Variants in GREM2 observed in about 807,000 individuals in gnomAD.
GREM2 encodes gremlin 2, DAN family BMP antagonist.
Under a neutral mutation model 14.2 loss-of-function variants are expected in GREM2, and 11 were observed. That is an observed-to-expected ratio of 0.78 (90% CI 0.49 to 1.28). GREM2 has a LOEUF of 1.28. GREM2 is among the 50% of genes most tolerant of loss of function. The probability of loss-of-function intolerance (pLI) is 0.00; values close to 1 mark genes in which losing one functional copy is unlikely to be tolerated. For missense variants in GREM2, 210 were observed against 218.5 expected, an observed-to-expected ratio of 0.96 and a Z score of 0.24; for synonymous variants, 98 against 97.6, an observed-to-expected ratio of 1.00 and a Z score of -0.02.
At chr1:240,592,488 T>C (rs564880482) in intron 1 of GREM2, among the ~76,000 whole-genome samples, 1 of 152,322 alleles carries the variant, frequency 6.6e-6, no homozygotes, top group East Asian at 1.9e-4. Context: ...TACTCCAACA[T>C]TTGATATCCT....
Position 240,543,539 on chromosome 1 carries a change from G to A in GREM2, c.-1-50063C>T, listed in dbSNP as rs1303667797. On this transcript the variant is annotated intron_variant, in intron 1 of 1. Transcript: ENST00000318160. The surrounding 1 kb of genome is among the most constrained non-coding windows in gnomAD (Gnocchi z 6.4). ...GATTCAATTATTTCCACCTGGCCTT[G>A]CCCATGAAACATGGGGATTATTACA... Among the ~76,000 whole-genome samples the A allele has an allele frequency of 6.6e-6, 1 of 152,158 alleles. No homozygotes were observed. The highest frequency in any genetic ancestry group is 1.5e-5 in the Non-Finnish European group (1 of 68,030).
intron 1 of GREM2, among the ~76,000 whole-genome samples, chr1:240,577,329 G>A (rs1021549110): frequency 7.0e-5 from 9 of 129,440 alleles, no homozygotes; most frequent in African/African-American, 2.3e-4. Context: ...TGTCATACAA[G>A]GAAAAAAAAA....
intron 1 of GREM2, among the ~76,000 whole-genome samples, chr1:240,609,995 T>G (rs183313037): frequency 1.2e-4 from 18 of 152,228 alleles, no homozygotes; most frequent in Non-Finnish European, 2.4e-4. Flanking sequence ...AAACAATGAA[T>G]AATCACAGCA....
intron 1 of GREM2, among the ~76,000 whole-genome samples, chr1:240,606,774 G>A (rs866698729): frequency 6.6e-6 from 1 of 151,612 alleles, no homozygotes; most frequent in South Asian, 2.1e-4. Context: ...CACCTCCCAG[G>A]TTCAAGCCAT....
At chr1:240,552,473 C>T (rs1678871405) in intron 1 of GREM2, among the ~76,000 whole-genome samples, 1 of 152,080 alleles carries the variant, frequency 6.6e-6, no homozygotes, top group South Asian at 2.1e-4. Flanking sequence ...GTATATGCTA[C>T]AGTCCTAGCT....
chr1:240,492,868 C>G lies in GREM2; in HGVS notation c.*101G>C, dbSNP rs1253930693. On this transcript the variant is annotated 3_prime_UTR_variant, in exon 2 of 2. Transcript: ENST00000318160. ...AGTGCTTGCTGCTGAGGGGGAACACCAGGCAGCGTGACAGTGGGCTCGGAG... is the reference window on the plus strand; with the variant it reads ...AGTGCTTGCTGCTGAGGGGGAACACGAGGCAGCGTGACAGTGGGCTCGGAG... 1.2e-5 allele frequency: 14 copies of G among 1,171,026 alleles called. No individual in the cohort carries two copies. The highest frequency in any genetic ancestry group is 1.5e-5 in the Non-Finnish European group (14 of 911,922). 72.5% of individuals were successfully genotyped at this position (1,171,026 alleles called of 1,614,324 possible). A position where few individuals can be genotyped will look rare whatever the true frequency, so the allele number is the denominator to read the frequency against.
intron 1 of GREM2, among the ~76,000 whole-genome samples, chr1:240,603,598 T>C (rs138480691): frequency 6.5e-4 from 99 of 151,682 alleles, no homozygotes; most frequent in Non-Finnish European, 1.3e-3. Flanking sequence ...GTTAGAAAGG[T>C]TGACATCAAA....
chr1:240,602,505 T>A (rs1028698291), intron 1 of GREM2, among the ~76,000 whole-genome samples: 3 of 152,234 alleles, frequency 2.0e-5, no homozygotes, highest in South Asian at 4.2e-4. Flanking sequence ...TATAATTCCT[T>A]AAAGAGCTCA....
intron 1 of GREM2, among the ~76,000 whole-genome samples, chr1:240,495,674 A>G (rs1318380441): frequency 6.6e-6 from 1 of 152,230 alleles, no homozygotes; most frequent in Non-Finnish European, 1.5e-5. Context: ...AAATATTTGA[A>G]TCCAGGCATC....
Position 240,560,869 on chromosome 1 carries a change from C to A in GREM2, c.-2+51015G>T, listed in dbSNP as rs139128120. Among the ~76,000 whole-genome samples the A allele has an allele frequency of 2.6e-3, 393 of 152,242 alleles. 3 individuals are homozygous for A. Among genetic ancestry groups the A allele is most frequent in the African/African-American group, 9.0e-3 (374 of 41,536 alleles). The stretch of plus-strand genomic sequence containing the variant: ...ATAAATATCTGGTGATCCACTCTGC[C>A]CACAAGTCACATACTTTCACTATTT... On this transcript the variant is annotated intron_variant, in intron 1 of 1. Transcript: ENST00000318160.
intron 1 of GREM2, among the ~76,000 whole-genome samples, chr1:240,587,262 G>T (rs1161797934): frequency 1.3e-5 from 2 of 151,684 alleles, no homozygotes; most frequent in African/African-American, 2.4e-5. Flanking sequence ...ATATAGACAT[G>T]CTTTTAAAAA....
At chr1:240,521,098 A>T (rs1278069061) in intron 1 of GREM2, among the ~76,000 whole-genome samples, 1 of 152,092 alleles carries the variant, frequency 6.6e-6, no homozygotes, top group Non-Finnish European at 1.5e-5. Flanking sequence ...GATGCCATTA[A>T]ATTCCATCTG....
In GREM2 at chr1:240,492,461, G is replaced by A. The variant is rs983609657; in HGVS notation, c.*508C>T. ...ATATCCTCATCACAGCAGCGACCGA[G>A]GGCAGCCTGCCAGTCACAAGAATGA... On this transcript the variant is annotated 3_prime_UTR_variant, in exon 2 of 2. Transcript: ENST00000318160. The A allele has an allele frequency of 8.2e-5, 16 of 194,264 alleles. No individual in the cohort carries two copies. The highest frequency in any genetic ancestry group is 1.2e-4 in the Non-Finnish European group (11 of 89,738). 12.0% of individuals were successfully genotyped at this position (194,264 alleles called of 1,614,324 possible). A position where few individuals can be genotyped will look rare whatever the true frequency, so the allele number is the denominator to read the frequency against.
At chr1:240,529,195 C>T (rs1176115370) in intron 1 of GREM2, among the ~76,000 whole-genome samples, 1 of 148,606 alleles carries the variant, frequency 6.7e-6, no homozygotes, top group Non-Finnish European at 1.5e-5. Context: ...CATTAAAATC[C>T]ATCTTGTGCC....
intron 1 of GREM2, among the ~76,000 whole-genome samples, chr1:240,533,429 A>G (rs946363203): frequency 6.6e-6 from 1 of 152,206 alleles, no homozygotes; most frequent in African/African-American, 2.4e-5. Flanking sequence ...GGAAAACTCT[A>G]CAGTTGAGAA....
At chr1:240,532,687 A>AGATAGATG (rs55736477) in intron 1 of GREM2, among the ~76,000 whole-genome samples, 3 of 78,166 alleles carry the variant, frequency 3.8e-5, no homozygotes, top group East Asian at 5.0e-4. Context: ...ATAGATAGAT[A>AGATAGATG]TATGGCAAGA....
At chr1:240,505,146 T>C (rs766602259) in intron 1 of GREM2, among the ~76,000 whole-genome samples, 1 of 152,138 alleles carries the variant, frequency 6.6e-6, no homozygotes, top group Non-Finnish European at 1.5e-5. Context: ...GCTCTGGCCA[T>C]GTGAGAAGTG....
At chr1:240,516,798 G>C (rs964879777) in intron 1 of GREM2, among the ~76,000 whole-genome samples, 10 of 152,174 alleles carry the variant, frequency 6.6e-5, no homozygotes, top group African/African-American at 2.4e-4. Context: ...TTCTGAGCCA[G>C]AATTGTGGGT....
chr1:240,554,508 G>C (rs1341938411), intron 1 of GREM2, among the ~76,000 whole-genome samples: 1 of 151,584 alleles, frequency 6.6e-6, no homozygotes, highest in Non-Finnish European at 1.5e-5. Flanking sequence ...TACATTATTT[G>C]GTTGTAATAA....
Sources: allele counts gnomAD v4.1 joint callset (sites outside exome capture counted in the v4.1 genomes callset), GRCh38; gene constraint gnomAD v4.1.1; non-coding constraint Gnocchi (gnomAD v3.1); transcripts MANE v1.5; gene names NCBI Gene and HGNC (gene_info 2026-07-23, HGNC 2026-07-21).